The following SENP2 variants were observed in gnomAD, a reference collection of about 807,000 sequenced individuals.
SENP2 encodes SUMO specific peptidase 2, also known as sentrin-specific protease 2.
A neutral mutation model predicts 86.3 loss-of-function variants in SENP2; 16 were observed. The ratio of observed to expected loss-of-function variants is 0.19; its 90% CI spans 0.13 to 0.28. The LOEUF is 0.28. Ranked by LOEUF, SENP2 falls within the 10% of genes least tolerant of loss-of-function variation. The pLI is 1.00. For synonymous variants in SENP2, 222 were observed against 238.7 expected (o/e 0.93, Z 0.64); for missense variants, 552 against 703.0 (o/e 0.79, Z 2.43).
In SENP2 at chr3:185,618,803, C is replaced by T. The variant is rs578049975; in HGVS notation, c.1243-496C>T. On this transcript the variant is annotated intron_variant, in intron 12 of 16. Coordinates refer to ENST00000296257, the MANE Select transcript of SENP2 (RefSeq NM_021627.3). ...CTGAGGCAGGAGAATGGTGTGAACCCGGGAGGCAGAGCTTGCAGTGAGCCG... is the reference window on the plus strand; with the variant it reads ...CTGAGGCAGGAGAATGGTGTGAACCTGGGAGGCAGAGCTTGCAGTGAGCCG... Among the ~76,000 whole-genome samples the T allele has an allele frequency of 9.2e-5, 14 of 152,090 alleles. No homozygotes were observed. In the South Asian group the frequency reaches 1.9e-3, roughly 20 times the overall value.
chr3:185,615,421 G>A (rs942059686), intron 11 of SENP2, among the ~76,000 whole-genome samples: 1 of 152,190 alleles, frequency 6.6e-6, no homozygotes, highest in Non-Finnish European at 1.5e-5. Flanking sequence ...TTGGCTCACT[G>A]CAACCTCTGC....
Position 185,586,443 on chromosome 3 carries a change from C to T in SENP2, c.30C>T (p.Gly10=). 6.2e-7 allele frequency: 1 copy of T among 1,614,078 alleles called. No individual in the cohort carries two copies. Among genetic ancestry groups the T allele is most frequent in the Non-Finnish European group, 8.5e-7 (1 of 1,180,010 alleles). Residue 10 remains glycine (G), a synonymous_variant, in exon 1 of 17, where the codon GGC becomes GGT. Coordinates refer to ENST00000296257, the MANE Select transcript of SENP2 (RefSeq NM_021627.3). This position sits in a 1 kb window ranked among gnomAD's most constrained non-coding sequence, Gnocchi z 4.3. ...ACAGATGGCTGGTTAGGATTCTCGGCACCATTTTCCGTTTCTGCGACCGGT... is the reference window on the plus strand; with the variant it reads ...ACAGATGGCTGGTTAGGATTCTCGGTACCATTTTCCGTTTCTGCGACCGGT... MYRWLVRIL[G]TIFRFCDRSV...
At chr3:185,617,664 A>T in intron 12 of SENP2, 53 bp downstream of exon 12, 1 of 1,534,078 alleles carries the variant, frequency 6.5e-7, no homozygotes, top group South Asian at 1.2e-5. Flanking sequence ...TTTATTTATT[A>T]TCTATAATCA....
At chr3:185,606,658 C>A in intron 6 of SENP2, 160 bp downstream of exon 6, 1 of 636,976 alleles carries the variant, frequency 1.6e-6, no homozygotes. Flanking sequence ...CCCAGATGCA[C>A]CAAAAATCTG....
chr3:185,599,983 G>T (rs183124901), intron 4 of SENP2, among the ~76,000 whole-genome samples: 2 of 152,110 alleles, frequency 1.3e-5, no homozygotes, highest in South Asian at 4.2e-4. Context: ...TTTTAGTAGA[G>T]ACTGGGTTTC....
chr3:185,632,222 T>G lies in SENP2; in HGVS notation c.*2378T>G, dbSNP rs1483961691. The G allele has an allele frequency of 1.1e-5, 1 of 87,682 alleles. No individual in the cohort carries two copies. The highest frequency in any genetic ancestry group is 2.4e-5 in the Non-Finnish European group (1 of 41,500). 5.4% of individuals were successfully genotyped at this position (87,682 alleles called of 1,614,324 possible). A position where few individuals can be genotyped will look rare whatever the true frequency, so the allele number is the denominator to read the frequency against. ...ACCATTAAAGCCAGTGGTTTTTTTT[T>G]TGTTTTTTTTTTTTGTTTTTTTTTT... On this transcript the variant is annotated 3_prime_UTR_variant, in exon 17 of 17. Transcript: ENST00000296257.
intron 7 of SENP2, among the ~76,000 whole-genome samples, chr3:185,611,239 T>G (rs1301611279): frequency 6.6e-6 from 1 of 152,244 alleles, no homozygotes; most frequent in Non-Finnish European, 1.5e-5. Context: ...ATCACACCAC[T>G]GCACTCCAGC....
chr3:185,607,485 C>A (rs548552505), intron 6 of SENP2, among the ~76,000 whole-genome samples: 304 of 151,672 alleles, frequency 2.0e-3, no homozygotes, highest in Non-Finnish European at 3.8e-3. Flanking sequence ...TGTGCCACCA[C>A]GCCTGGCTAA....
At chr3:185,595,560 T>C (rs1022200750) in intron 2 of SENP2, among the ~76,000 whole-genome samples, 1 of 152,220 alleles carries the variant, frequency 6.6e-6, no homozygotes, top group African/African-American at 2.4e-5. Context: ...GGAGCACTGC[T>C]TAAAAGCTAC....
intron 2 of SENP2, among the ~76,000 whole-genome samples, chr3:185,591,965 T>C (rs927724179): frequency 1.4e-5 from 2 of 140,308 alleles, no homozygotes; most frequent in Admixed American, 1.6e-4. Context: ...TAGGCAGCAG[T>C]GGCATTTTGA....
intron 2 of SENP2, among the ~76,000 whole-genome samples, chr3:185,597,213 A>AGTGTGT (rs376119566): frequency 2.7e-5 from 4 of 150,794 alleles, no homozygotes; most frequent in African/African-American, 9.7e-5. Flanking sequence ...GAACATTTTG[A>AGTGTGT]GTGTGTGTGT....
intron 10 of SENP2, 24 bp from the exon 11 acceptor site, chr3:185,614,540 G>C (rs1286992813): frequency 1.3e-6 from 2 of 1,582,956 alleles, no homozygotes; most frequent in Non-Finnish European, 1.7e-6. Flanking sequence ...CATGTCAGTA[G>C]AATTTAGATA....
intron 6 of SENP2, among the ~76,000 whole-genome samples, chr3:185,607,310 G>T (rs142899299): frequency 0.028 from 3,783 of 137,460 alleles, 70 homozygotes; most frequent in Middle Eastern, 0.046. Flanking sequence ...GAAGAGATAA[G>T]ATTAGATTCT....
At chr3:185,616,707 G>A (rs1450530618) in intron 11 of SENP2, among the ~76,000 whole-genome samples, 2 of 151,456 alleles carry the variant, frequency 1.3e-5, no homozygotes, top group Admixed American at 6.6e-5. Flanking sequence ...CCCGGGAGGC[G>A]GAGCTTGCAG....
In SENP2 at chr3:185,631,259, G is replaced by T. The variant is rs1712444238; in HGVS notation, c.*1415G>T. The T allele has an allele frequency of 6.6e-6, 1 of 151,990 alleles. No homozygotes were observed. The allele number at this position is 151,990 out of a possible 1,614,324, so 9.4% of individuals were successfully genotyped here. ...AGTGCTCCGGCTGCTGGTCCCAGAG[G>T]TATACTGGTTACAGCTATTGCAGCC... On this transcript the variant is annotated 3_prime_UTR_variant, in exon 17 of 17. Coordinates refer to ENST00000296257, the MANE Select transcript of SENP2 (RefSeq NM_021627.3).
chr3:185,605,325 C>T (rs1050421995), intron 5 of SENP2, among the ~76,000 whole-genome samples: 21 of 151,530 alleles, frequency 1.4e-4, no homozygotes, highest in Admixed American at 6.6e-4. Context: ...GAGCCGAGAT[C>T]GTGCCATTGC....
At chr3:185,617,436 A>ATGGT (rs752441155) in intron 11 of SENP2, 44 bp from the exon 12 acceptor site, 1 of 1,525,266 alleles carries the variant, frequency 6.6e-7, no homozygotes, top group Admixed American at 2.1e-5. Context: ...CTGATAATGA[A>ATGGT]TGGTTCTATA....
intron 6 of SENP2, 109 bp from the exon 7 acceptor site, chr3:185,609,136 AAT>A (rs1553838312): frequency 2.4e-5 from 16 of 665,956 alleles, no homozygotes; most frequent in Non-Finnish European, 4.1e-5. Context: ...AATTCAAAGA[AAT>A]ATTAAAAACA....
In SENP2 at chr3:185,607,963, TTTTC is replaced by T. The variant is rs1448242106; in HGVS notation, c.619-1280_619-1277del. Among the ~76,000 whole-genome samples the T allele has an allele frequency of 1.2e-3, 182 of 152,352 alleles. 3 individuals are homozygous for T. The highest frequency in any genetic ancestry group is 2.1e-4 in the Non-Finnish European group (14 of 68,042). ...CAATCTTTTTACTTTCCTTTTGAGG[TTTTC>T]TTTTATTCCAGGAAAATTTAGAATT... On this transcript the variant is annotated intron_variant, in intron 6 of 16. Transcript: ENST00000296257.
Sources: gnomAD v4.1 joint callset for allele counts (sites outside exome capture counted in the v4.1 genomes callset) on GRCh38, gnomAD v4.1.1 for gene constraint, Gnocchi (gnomAD v3.1) non-coding constraint, MANE v1.5 for transcripts, NCBI Gene and HGNC (gene_info 2026-07-23, HGNC 2026-07-21) for gene names.